The following COXFA4 variants were observed in gnomAD, a reference collection of about 807,000 sequenced individuals.
COXFA4 encodes cytochrome c oxidase associated subunit FA4.
At chr7:10,933,131 C>G in the COXFA4 span, 2 of 158,410 alleles carry the variant, frequency 1.3e-5, no homozygotes, top group African/African-American at 4.8e-5. Context: ...AAAATCACAA[C>G]AAAGAGATGC....
At chr7:10,935,052 CTTAG>C in the COXFA4 span, among the ~76,000 whole-genome samples, 93 of 152,312 alleles carry the variant, frequency 6.1e-4, 1 homozygote, top group Admixed American at 3.3e-3. Context: ...TTATGTATAT[CTTAG>C]TTAATCATCA....
chr7:10,934,039 T>C, the COXFA4 span, among the ~76,000 whole-genome samples: 1 of 152,144 alleles, frequency 6.6e-6, no homozygotes, highest in Non-Finnish European at 1.5e-5. Context: ...GCCTTAACTC[T>C]ACTAAGTACG....
chr7:10,933,816 A>G, the COXFA4 span: 1 of 695,640 alleles, frequency 1.4e-6, no homozygotes, highest in Non-Finnish European at 2.4e-6. Flanking sequence ...TTAAAAGAAT[A>G]TTTAACAACA....
At chr7:10,933,694 T>C in the COXFA4 span, 11 of 1,605,348 alleles carry the variant, frequency 6.9e-6, no homozygotes, top group African/African-American at 1.3e-5. Flanking sequence ...TGAGTAGAAC[T>C]TGGAACAGAA....
chr7:10,938,634 A>G, the COXFA4 span: 1 of 570,512 alleles, frequency 1.8e-6, no homozygotes, highest in Non-Finnish European at 3.2e-6. Context: ...GAAATTAGAT[A>G]ATTTCATGAA....
At chr7:10,939,583 CCT>C in the COXFA4 span, 9 of 185,694 alleles carry the variant, frequency 4.8e-5, no homozygotes, top group African/African-American at 7.1e-5. Flanking sequence ...ATCACGGACC[CCT>C]CTTATTTACC....
chr7:10,935,180 T>C, the COXFA4 span, among the ~76,000 whole-genome samples: 3 of 152,352 alleles, frequency 2.0e-5, no homozygotes, highest in South Asian at 6.2e-4. Context: ...CATGGCATTG[T>C]TGCCAATTTT....
chr7:10,934,200 A>T, the COXFA4 span, among the ~76,000 whole-genome samples: 1 of 152,074 alleles, frequency 6.6e-6, no homozygotes, highest in African/African-American at 2.4e-5. Flanking sequence ...ATAACTTCTA[A>T]GATATTTTCT....
chr7:10,936,809 C>T, the COXFA4 span, among the ~76,000 whole-genome samples: 824 of 152,178 alleles, frequency 5.4e-3, 8 homozygotes, highest in African/African-American at 0.019. Context: ...TTGAGACAGA[C>T]GGATCAACTT....
chr7:10,940,028 C>T, the COXFA4 span: 20 of 1,613,954 alleles, frequency 1.2e-5, 1 homozygote, highest in Non-Finnish European at 1.7e-5. Flanking sequence ...TCGGATGCTT[C>T]TTGGCCTGAC....
the COXFA4 span, chr7:10,938,766 C>A: frequency 6.7e-7 from 1 of 1,485,914 alleles, no homozygotes; most frequent in South Asian, 1.1e-5. Flanking sequence ...CCTAAACTGC[C>A]TTGATCAGCT....
At chr7:10,938,176 A>T in the COXFA4 span, 1 of 1,588,176 alleles carries the variant, frequency 6.3e-7, no homozygotes, top group Non-Finnish European at 8.6e-7. Context: ...TACGACTGTT[A>T]TAATAATAAA....
At chr7:10,940,103 C>G in the COXFA4 span, 15 of 1,590,654 alleles carry the variant, frequency 9.4e-6, no homozygotes, top group African/African-American at 1.5e-4. Context: ...ACCGACCTAG[C>G]CACCAGGCCC....
At chr7:10,939,931 G>A in the COXFA4 span, 5 of 1,478,906 alleles carry the variant, frequency 3.4e-6, no homozygotes, top group Non-Finnish European at 3.8e-6. Context: ...GGCTGTAAAT[G>A]AGGACGTTCC....
the COXFA4 span, chr7:10,940,113 C>G: frequency 7.6e-6 from 12 of 1,570,022 alleles, no homozygotes; most frequent in African/African-American, 1.5e-4. Flanking sequence ...CCACCAGGCC[C>G]TAAGCTAAAA....
chr7:10,940,025 C>G, the COXFA4 span: 1 of 1,613,916 alleles, frequency 6.2e-7, no homozygotes. Context: ...CGCTCGGATG[C>G]TTCTTGGCCT....
At chr7:10,937,837 C>T in the COXFA4 span, 16 of 493,216 alleles carry the variant, frequency 3.2e-5, no homozygotes, top group Admixed American at 1.7e-4. Flanking sequence ...TGTTAGACTA[C>T]CTAAGAACTA....
At chr7:10,940,097 A>T in the COXFA4 span, 1 of 1,605,510 alleles carries the variant, frequency 6.2e-7, no homozygotes, top group Non-Finnish European at 8.5e-7. Context: ...GAGAGAACCG[A>T]CCTAGCCACC....
chr7:10,938,186 A>T, the COXFA4 span: 1 of 1,552,148 alleles, frequency 6.4e-7, no homozygotes, highest in South Asian at 1.1e-5. Context: ...ATAATAATAA[A>T]GCACTATTTA....
Sources: allele counts gnomAD v4.1 joint callset (sites outside exome capture counted in the v4.1 genomes callset), GRCh38; gene constraint gnomAD v4.1.1; transcripts MANE v1.5; gene names NCBI Gene and HGNC (gene_info 2026-07-23, HGNC 2026-07-21).